The following NEURL1B variants were observed in gnomAD, a reference collection of about 807,000 sequenced individuals.
The protein encoded by NEURL1B is neuralized E3 ubiquitin protein ligase 1B.
A neutral mutation model predicts 37.4 loss-of-function variants in NEURL1B; 13 were observed. That is an observed-to-expected ratio of 0.35 (90% CI 0.23 to 0.55). The LOEUF (loss-of-function observed/expected upper bound fraction) is 0.55, where lower values mean the gene tolerates loss of function less well. NEURL1B is among the 20% of genes least tolerant of loss of function. The pLI, the probability that NEURL1B is intolerant of heterozygous loss-of-function variation, is 0.89. For missense variants in NEURL1B, 790 were observed against 879.2 expected, an observed-to-expected ratio of 0.90 and a Z score of 1.28; for synonymous variants, 432 against 426.6, an observed-to-expected ratio of 1.01 and a Z score of -0.16.
rs1758534931 is a variant in NEURL1B at position 172,687,458 on chromosome 5, C to T, written c.*533C>T. On this transcript the variant is annotated 3_prime_UTR_variant, in exon 5 of 5. Coordinates refer to ENST00000369800, the MANE Select transcript of NEURL1B (RefSeq NM_001142651.3). ...GTTTTGAATGTATGAAGCTGACCCT[C>T]ACAGAACTCCCTGGGGTGGTGTAGA... 1 of 153,598 alleles carries T rather than the reference C, an allele frequency of 6.5e-6. No individual in the cohort carries two copies. The highest frequency in any genetic ancestry group is 6.4e-5 in the Admixed American group (1 of 15,538). The allele number at this position is 153,598 out of a possible 1,614,324, so 9.5% of individuals were successfully genotyped here. A position where few individuals can be genotyped will look rare whatever the true frequency, so the allele number is the denominator to read the frequency against.
chr5:172,676,316 T>G lies in NEURL1B; in HGVS notation c.577+5986T>G, dbSNP rs1423746910. ...GCCATCTTCTTTGGTGGCCTCATCCTCAGCTGGACTGTCCCTTTGGGGTGG... is the reference window on the plus strand; with the variant it reads ...GCCATCTTCTTTGGTGGCCTCATCCGCAGCTGGACTGTCCCTTTGGGGTGG... On this transcript the variant is annotated intron_variant, in intron 2 of 4. Transcript: ENST00000369800. The surrounding 1 kb of genome is among the most constrained non-coding windows in gnomAD (Gnocchi z 4.5). Among the ~76,000 whole-genome samples the G allele has an allele frequency of 6.6e-6, 1 of 152,240 alleles. No individual in the cohort carries two copies. Among genetic ancestry groups the G allele is most frequent in the Non-Finnish European group, 1.5e-5 (1 of 68,036 alleles).
intron 1 of NEURL1B, among the ~76,000 whole-genome samples, chr5:172,655,833 C>T (rs1757765422): frequency 1.3e-5 from 2 of 151,912 alleles, no homozygotes; most frequent in South Asian, 2.1e-4. Context: ...GCGGGGTGCA[C>T]CTCCTCACAA....
chr5:172,681,278 C>A (rs2113327030), intron 2 of NEURL1B, among the ~76,000 whole-genome samples: 1 of 152,250 alleles, frequency 6.6e-6, no homozygotes, highest in Non-Finnish European at 1.5e-5. Flanking sequence ...CTAGATAATA[C>A]AGAAAAATCT....
chr5:172,656,354 TA>T (rs200148186), intron 1 of NEURL1B, among the ~76,000 whole-genome samples: 5 of 152,178 alleles, frequency 3.3e-5, no homozygotes, highest in African/African-American at 7.2e-5. Context: ...GTTTATTTTT[TA>T]TTTATTTATT....
chr5:172,651,929 G>A (rs902562010), intron 1 of NEURL1B, among the ~76,000 whole-genome samples: 1 of 152,236 alleles, frequency 6.6e-6, no homozygotes, highest in African/African-American at 2.4e-5. Context: ...AAATGCCAGG[G>A]TGAAAGGGAT....
chr5:172,678,672 C>T (rs547655316), intron 2 of NEURL1B, among the ~76,000 whole-genome samples: 6 of 152,292 alleles, frequency 3.9e-5, no homozygotes, highest in Non-Finnish European at 5.9e-5. Flanking sequence ...ACACCACCCC[C>T]TTGGTTGGCC....
chr5:172,678,018 G>A (rs190499670), intron 2 of NEURL1B, among the ~76,000 whole-genome samples: 2 of 151,938 alleles, frequency 1.3e-5, no homozygotes, highest in Non-Finnish European at 2.9e-5. Flanking sequence ...GCCCACTACC[G>A]GGCCCCTCGC....
chr5:172,680,398 G>T (rs990933372), intron 2 of NEURL1B, among the ~76,000 whole-genome samples: 16 of 151,802 alleles, frequency 1.1e-4, no homozygotes, highest in Admixed American at 6.6e-5. Flanking sequence ...AGCCGCTGGG[G>T]GACAAGAGGA....
intron 2 of NEURL1B, among the ~76,000 whole-genome samples, chr5:172,682,602 C>T (rs1758377566): frequency 6.6e-6 from 1 of 152,172 alleles, no homozygotes; most frequent in Non-Finnish European, 1.5e-5. Context: ...CTTTTCCCTT[C>T]ATTTAGTTTT....
chr5:172,651,090 G>A (rs1377491118), intron 1 of NEURL1B, among the ~76,000 whole-genome samples: 1 of 152,144 alleles, frequency 6.6e-6, no homozygotes, highest in East Asian at 1.9e-4. Context: ...AAAGTAGAAG[G>A]CAAAGCATTG....
At chr5:172,660,358 T>C (rs1240317925) in intron 1 of NEURL1B, among the ~76,000 whole-genome samples, 2 of 152,100 alleles carry the variant, frequency 1.3e-5, no homozygotes, top group Non-Finnish European at 2.9e-5. Context: ...AGCTGAGAGG[T>C]CTGCCACTTA....
chr5:172,683,880 C>G lies in NEURL1B; in HGVS notation c.1039C>G (p.Pro347Ala). Residue 347 changes from proline (P) to alanine (A), a missense_variant, in exon 3 of 5, where the codon CCG becomes GCG. This residue lies in a region of NEURL1B where 460 missense variants were observed against 407.4 expected (regional missense o/e 1.13). Coordinates refer to ENST00000369800, the MANE Select transcript of NEURL1B (RefSeq NM_001142651.3). The surrounding 1 kb of genome is among the most constrained non-coding windows in gnomAD (Gnocchi z 5.6). ...ALAFGITSCDPGVLRPNELPA... is the reference protein window; with the variant it reads ...ALAFGITSCDAGVLRPNELPA... ...GGCCTTCGGCATCACGTCGTGCGAC[C>G]CGGGCGTGCTACGGCCCAACGAGCT... 1 of 1,407,280 alleles carries G rather than the reference C, an allele frequency of 7.1e-7. No individual in the cohort carries two copies. Among genetic ancestry groups the G allele is most frequent in the Non-Finnish European group, 9.3e-7 (1 of 1,075,428 alleles). 87.2% of individuals were successfully genotyped at this position (1,407,280 alleles called of 1,614,324 possible). A position where few individuals can be genotyped will look rare whatever the true frequency, so the allele number is the denominator to read the frequency against.
chr5:172,686,433 C>A lies in NEURL1B; in HGVS notation c.1423+137C>A. On this transcript the variant is annotated intron_variant, in intron 4 of 4. Coordinates refer to ENST00000369800, the MANE Select transcript of NEURL1B (RefSeq NM_001142651.3). The surrounding 1 kb of genome is among the most constrained non-coding windows in gnomAD (Gnocchi z 7.9). ...CCTCTCCTTCCCTCAGCTGTATGCT[C>A]AGCTGGAGGGAGGAGAAGTGTCTAG... 2.0e-6 allele frequency: 2 copies of A among 999,258 alleles called. No homozygotes were observed. The highest frequency in any genetic ancestry group is 2.9e-6 in the Non-Finnish European group (2 of 682,620). The allele number at this position is 999,258 out of a possible 1,614,324, so 61.9% of individuals were successfully genotyped here. A position where few individuals can be genotyped will look rare whatever the true frequency, so the allele number is the denominator to read the frequency against.
intron 2 of NEURL1B, among the ~76,000 whole-genome samples, chr5:172,677,776 A>C (rs1758267774): frequency 6.6e-6 from 1 of 151,254 alleles, no homozygotes; most frequent in Non-Finnish European, 1.5e-5. Flanking sequence ...CCACGGAATC[A>C]CCCCCATGAG....
chr5:172,674,479 T>A (rs1758190632), intron 2 of NEURL1B, among the ~76,000 whole-genome samples: 1 of 151,776 alleles, frequency 6.6e-6, no homozygotes, highest in African/African-American at 2.4e-5. Flanking sequence ...AGACGGTCAG[T>A]GGCAGAGCCT....
rs1758621734 is a variant in NEURL1B, at chr5:172,690,378, C to T, written c.*3453C>T. ...CACAGGGTGAACTTTTCTCTGACCC[C>T]CGGTGCTGGTCCTGTGCCAGCACGT... is the stretch of plus-strand genomic sequence containing the variant. On this transcript the variant is annotated 3_prime_UTR_variant, in exon 5 of 5. Transcript: ENST00000369800. 6.6e-6 allele frequency: 1 copy of T among 152,152 alleles called. No individual in the cohort carries two copies. The highest frequency in any genetic ancestry group is 2.1e-4 in the South Asian group (1 of 4,822). 9.4% of individuals were successfully genotyped at this position (152,152 alleles called of 1,614,324 possible).
At chr5:172,660,903 T>C (rs1757888199) in intron 1 of NEURL1B, among the ~76,000 whole-genome samples, 1 of 152,238 alleles carries the variant, frequency 6.6e-6, no homozygotes, top group African/African-American at 2.4e-5. Flanking sequence ...AGTGCCGAGA[T>C]TACAGGCGTG....
Position 172,686,480 on chromosome 5 carries a change from C to T in NEURL1B, c.1423+184C>T, listed in dbSNP as rs1030855111. On this transcript the variant is annotated intron_variant, in intron 4 of 4. Coordinates refer to ENST00000369800, the MANE Select transcript of NEURL1B (RefSeq NM_001142651.3). The surrounding 1 kb of genome is among the most constrained non-coding windows in gnomAD (Gnocchi z 7.9). ...CTAGATAGGGCATTCCAAAGGGTGA[C>T]GATGGTGGCATTTTATCTTGGTGTT... Among the ~76,000 whole-genome samples the T allele has an allele frequency of 2.6e-5, 4 of 152,108 alleles. No individual in the cohort carries two copies. Among genetic ancestry groups the T allele is most frequent in the Admixed American group, 2.0e-4 (3 of 15,278 alleles).
intron 1 of NEURL1B, among the ~76,000 whole-genome samples, chr5:172,642,200 A>G (rs535860791): frequency 6.6e-6 from 1 of 152,250 alleles, no homozygotes; most frequent in South Asian, 2.1e-4. Context: ...CACTTTGCAT[A>G]CCCCAGCTCG....
Sources: allele counts gnomAD v4.1 joint callset (sites outside exome capture counted in the v4.1 genomes callset), GRCh38; gene constraint gnomAD v4.1.1; regional missense constraint gnomAD v4.1.1; non-coding constraint Gnocchi (gnomAD v3.1); transcripts MANE v1.5; gene names NCBI Gene and HGNC (gene_info 2026-07-23, HGNC 2026-07-21).